JAKMIP2: variants seen among roughly 807,000 people sequenced by gnomAD.
The protein encoded by JAKMIP2 is janus kinase and microtubule interacting protein 2.
JAKMIP2 carries 25 observed loss-of-function variants against 115.0 expected under a neutral mutation model. The ratio of observed to expected loss-of-function variants is 0.22; its 90% CI spans 0.16 to 0.30. The LOEUF is 0.30. JAKMIP2 is among the 10% of genes least tolerant of loss of function. The pLI is 1.00. For missense variants in JAKMIP2, 642 were observed against 957.6 expected (o/e 0.67, Z 4.35); for synonymous variants, 334 against 343.6 (o/e 0.97, Z 0.31).
intron 5 of JAKMIP2, among the ~76,000 whole-genome samples, chr5:147,648,004 T>C (rs1758208423): frequency 6.6e-6 from 1 of 152,098 alleles, no homozygotes. Context: ...TGGATAAATC[T>C]CACAAACAAA....
At chr5:147,658,498 C>T (rs76538910) in intron 3 of JAKMIP2, among the ~76,000 whole-genome samples, 12,391 of 152,232 alleles carry the variant, frequency 0.081, 641 homozygotes, top group Admixed American at 0.14. Context: ...GGTCAGGAAC[C>T]CACTTGAGGA....
intron 1 of JAKMIP2, among the ~76,000 whole-genome samples, chr5:147,779,431 AC>A (rs1343670486): frequency 2.0e-5 from 3 of 152,098 alleles, no homozygotes; most frequent in Non-Finnish European, 2.9e-5. Context: ...TTTAAAAAAA[AC>A]AACTTGATGG....
At chr5:147,692,966 T>C (rs1580791225) in intron 1 of JAKMIP2, among the ~76,000 whole-genome samples, 1 of 152,230 alleles carries the variant, frequency 6.6e-6, no homozygotes, top group East Asian at 1.9e-4. Flanking sequence ...TTTTATCTTA[T>C]ATCTTATTAT....
chr5:147,621,013 T>C (rs929504969), intron 17 of JAKMIP2, among the ~76,000 whole-genome samples: 2 of 152,234 alleles, frequency 1.3e-5, no homozygotes, highest in Admixed American at 6.5e-5. Context: ...TGATTAAGTA[T>C]AGATTTTGAC....
chr5:147,716,066 T>C (rs1175085570), intron 1 of JAKMIP2, among the ~76,000 whole-genome samples: 1 of 141,746 alleles, frequency 7.1e-6, no homozygotes, highest in Non-Finnish European at 1.5e-5. Flanking sequence ...CATTGTTCAA[T>C]TCCCACGTAT....
rs1757842913 is a variant in JAKMIP2 at position 147,640,747 on chromosome 5, C to G, written c.1358G>C (p.Arg453Thr). The change falls in exon 9 of 22, where the codon AGA (arginine) becomes ACA (threonine). Residue 453 changes from arginine (R) to threonine (T), a missense_variant. This residue lies in a region of JAKMIP2 where 439 missense variants were observed against 570.9 expected (regional missense o/e 0.77). Coordinates refer to ENST00000616793, the MANE Select transcript of JAKMIP2 (RefSeq NM_001270941.2). ...DSETSSMASF[R>T]TDRTPATPDD... ...AGGAGTAGCTGGTGTTCTGTCTGTT[C>G]TAAATGAGGCCATGGATGATGTCTC... 5 of 1,613,718 alleles carry G rather than the reference C, an allele frequency of 3.1e-6. No homozygotes were observed. Among genetic ancestry groups the G allele is most frequent in the Non-Finnish European group, 3.4e-6 (4 of 1,179,806 alleles).
intron 1 of JAKMIP2, among the ~76,000 whole-genome samples, chr5:147,754,819 G>A (rs999410258): frequency 6.6e-6 from 1 of 152,132 alleles, no homozygotes; most frequent in Non-Finnish European, 1.5e-5. Context: ...TATATAACTT[G>A]AAAGCCTGGG....
chr5:147,628,679 C>T (rs1360113576), intron 16 of JAKMIP2, 72 bp downstream of exon 16: 1 of 1,139,026 alleles, frequency 8.8e-7, no homozygotes, highest in African/African-American at 1.5e-5. Flanking sequence ...GAATGTCCTT[C>T]ACACCCTAGT....
intron 1 of JAKMIP2, among the ~76,000 whole-genome samples, chr5:147,740,329 T>C (rs1196685650): frequency 1.3e-5 from 2 of 152,214 alleles, no homozygotes; most frequent in African/African-American, 4.8e-5. Context: ...GGGGACTGAT[T>C]GCCATTACAT....
intron 1 of JAKMIP2, among the ~76,000 whole-genome samples, chr5:147,753,087 C>T (rs1754618229): frequency 6.6e-6 from 1 of 152,164 alleles, no homozygotes; most frequent in African/African-American, 2.4e-5. Flanking sequence ...ATAGCTGGCA[C>T]TTCCTTGGAT....
chr5:147,658,708 T>G (rs974834185), intron 3 of JAKMIP2, among the ~76,000 whole-genome samples: 1 of 152,140 alleles, frequency 6.6e-6, no homozygotes, highest in Non-Finnish European at 1.5e-5. Context: ...CTGCTGGATT[T>G]CCTGCAGAGA....
intron 5 of JAKMIP2, 128 bp from the exon 6 acceptor site, chr5:147,645,124 G>T: frequency 1.3e-6 from 1 of 764,058 alleles, no homozygotes; most frequent in Non-Finnish European, 2.1e-6. Flanking sequence ...GCTGAGGACT[G>T]ACCACTGACA....
intron 10 of JAKMIP2, among the ~76,000 whole-genome samples, chr5:147,637,436 G>GTTTTTTTTT (rs1561506660): frequency 2.7e-5 from 2 of 74,032 alleles, no homozygotes; most frequent in East Asian, 1.7e-3. Context: ...AAATTCTTTT[G>GTTTTTTTTT]ATTTTTTTTT....
intron 3 of JAKMIP2, among the ~76,000 whole-genome samples, chr5:147,654,563 T>C (rs1438526322): frequency 3.9e-5 from 6 of 152,190 alleles, no homozygotes; most frequent in African/African-American, 1.4e-4. Context: ...ACATTGCTTT[T>C]GTATCCTGAG....
chr5:147,613,585 A>G (rs7443158), intron 19 of JAKMIP2, among the ~76,000 whole-genome samples: 142,913 of 152,222 alleles, frequency 0.94, 67,606 homozygotes, highest in Non-Finnish European at 1. Flanking sequence ...TATTCATAAA[A>G]TTGTGCAACC....
chr5:147,607,323 C>T (rs1026048283), intron 20 of JAKMIP2, among the ~76,000 whole-genome samples: 1 of 152,118 alleles, frequency 6.6e-6, no homozygotes, highest in African/African-American at 2.4e-5. Flanking sequence ...TCATAAACAG[C>T]TCTTATTATT....
At chr5:147,613,116 G>A (rs1252323162) in intron 19 of JAKMIP2, among the ~76,000 whole-genome samples, 1 of 152,168 alleles carries the variant, frequency 6.6e-6, no homozygotes, top group East Asian at 1.9e-4. Context: ...TCTCAATTAT[G>A]TAACAAAATT....
intron 1 of JAKMIP2, among the ~76,000 whole-genome samples, chr5:147,730,471 T>C (rs1753687238): frequency 6.6e-6 from 1 of 152,206 alleles, no homozygotes; most frequent in Middle Eastern, 3.4e-3. Flanking sequence ...GTTATTGTTT[T>C]TTTGAGGTGG....
chr5:147,599,020 A>G (rs1325796494), intron 21 of JAKMIP2, among the ~76,000 whole-genome samples: 1 of 152,144 alleles, frequency 6.6e-6, no homozygotes, highest in East Asian at 1.9e-4. Context: ...TGAGAAGAGG[A>G]GATGAAAAAG....
Sources: gnomAD v4.1 joint callset for allele counts (sites outside exome capture counted in the v4.1 genomes callset) on GRCh38, gnomAD v4.1.1 for gene constraint, gnomAD v4.1.1 regional missense constraint, MANE v1.5 for transcripts, NCBI Gene and HGNC (gene_info 2026-07-23, HGNC 2026-07-21) for gene names.